The following STK32B variants were observed in gnomAD, a reference collection of about 807,000 sequenced individuals.
STK32B encodes serine/threonine kinase 32B.
Under a neutral mutation model 52.6 loss-of-function variants are expected in STK32B, and 43 were observed. The observed-to-expected ratio is 0.82, with a 90% CI of 0.64 to 1.05. The LOEUF is 1.05. Ranked by LOEUF, STK32B falls within the 50% of genes least tolerant of loss-of-function variation. The pLI is 0.00. For synonymous variants in STK32B, 238 were observed against 204.3 expected, an observed-to-expected ratio of 1.17 and a Z score of -1.41; for missense variants, 621 against 534.6, an observed-to-expected ratio of 1.16 and a Z score of -1.59.
At chr4:5,123,114 T>G (rs1245212143) in intron 1 of STK32B, among the ~76,000 whole-genome samples, 4 of 152,126 alleles carry the variant, frequency 2.6e-5, no homozygotes, top group Non-Finnish European at 5.9e-5. Flanking sequence ...ACAGAGTGGT[T>G]CTTCTTTCTC....
intron 2 of STK32B, among the ~76,000 whole-genome samples, chr4:5,145,024 A>T (rs188102740): frequency 6.6e-6 from 1 of 152,306 alleles, no homozygotes; most frequent in East Asian, 1.9e-4. Flanking sequence ...GTGTACAGGG[A>T]TGGAGTGGAG....
At chr4:5,407,869 G>A (rs190779743) in intron 5 of STK32B, among the ~76,000 whole-genome samples, 4 of 152,230 alleles carry the variant, frequency 2.6e-5, no homozygotes, top group East Asian at 1.9e-4. Flanking sequence ...GACGTAAACC[G>A]TATCAGAGGC....
chr4:5,336,048 G>C (rs1304864064), intron 4 of STK32B, among the ~76,000 whole-genome samples: 1 of 150,364 alleles, frequency 6.7e-6, no homozygotes, highest in Non-Finnish European at 1.5e-5. Flanking sequence ...GCTAATGAGG[G>C]TAAAATGGAG....
chr4:5,056,440 T>G (rs1020816927), intron 1 of STK32B, among the ~76,000 whole-genome samples: 4 of 152,254 alleles, frequency 2.6e-5, no homozygotes, highest in African/African-American at 9.6e-5. Flanking sequence ...AGATGCCTGG[T>G]AATTTTTTGG....
At chr4:5,294,464 A>G (rs1451642671) in intron 3 of STK32B, among the ~76,000 whole-genome samples, 2 of 152,076 alleles carry the variant, frequency 1.3e-5, no homozygotes, top group African/African-American at 2.4e-5. Context: ...AGTGGTTTAT[A>G]GTTCTCCTTG....
intron 1 of STK32B, among the ~76,000 whole-genome samples, chr4:5,052,176 C>G (rs570305408): frequency 4.5e-4 from 68 of 152,296 alleles, no homozygotes; most frequent in African/African-American, 1.5e-3. Flanking sequence ...GAGTTGAACC[C>G]GAAACCTGCA....
intron 1 of STK32B, 158 bp from the exon 2 acceptor site, chr4:5,139,747 T>A (rs1391425215): frequency 1.3e-5 from 9 of 693,100 alleles, no homozygotes; most frequent in Non-Finnish European, 2.2e-5. Flanking sequence ...TGCTGCAAAT[T>A]CCCCTGTGGA....
At chr4:5,284,591 T>C (rs576824227) in intron 3 of STK32B, among the ~76,000 whole-genome samples, 72 of 152,312 alleles carry the variant, frequency 4.7e-4, no homozygotes, top group African/African-American at 1.4e-3. Context: ...TCAAAGTTGA[T>C]AGACATGTAA....
At chr4:5,052,000 A>C (rs970810589) in intron 1 of STK32B, 85 bp downstream of exon 1, 1 of 1,534,202 alleles carries the variant, frequency 6.5e-7, no homozygotes, top group Non-Finnish European at 8.8e-7. Context: ...GGGGCACCGC[A>C]TGCTGCCCGG....
intron 3 of STK32B, among the ~76,000 whole-genome samples, chr4:5,174,101 T>C (rs997942654): frequency 6.6e-6 from 1 of 152,144 alleles, no homozygotes; most frequent in Admixed American, 6.5e-5. Context: ...AAAGTCTGTT[T>C]TATCTGAGAC....
chr4:5,171,083 T>C (rs954773720), intron 3 of STK32B, among the ~76,000 whole-genome samples: 4 of 152,184 alleles, frequency 2.6e-5, no homozygotes, highest in African/African-American at 9.7e-5. Flanking sequence ...TTTCATGTGT[T>C]TTTTGGCTGC....
chr4:5,376,507 A>G (rs543050356), intron 4 of STK32B, among the ~76,000 whole-genome samples: 2 of 152,002 alleles, frequency 1.3e-5, no homozygotes, highest in African/African-American at 4.8e-5. Context: ...CGCTCAGAGC[A>G]CTGGCAAGAC....
chr4:5,365,791 T>A (rs989106747), intron 4 of STK32B, among the ~76,000 whole-genome samples: 2 of 152,134 alleles, frequency 1.3e-5, no homozygotes, highest in African/African-American at 4.8e-5. Context: ...GACTGATGAG[T>A]GAGTCACTGG....
chr4:5,317,216 T>TATATTATATATATAAC lies in STK32B; in HGVS notation c.261-14000_261-13999insTATATATATAACATAT, dbSNP rs1560313290. Among the ~76,000 whole-genome samples the TATATTATATATATAAC allele has an allele frequency of 7.4e-4, 41 of 55,638 alleles. 1 individual carries two copies. The highest frequency in any genetic ancestry group is 8.3e-4 in the Non-Finnish European group (33 of 39,634). The allele number at this position is 55,638 out of a possible 152,430, so 36.5% of individuals were successfully genotyped here. A position where few individuals can be genotyped will look rare whatever the true frequency, so the allele number is the denominator to read the frequency against. ...ACATATATATATTATATATATAACA[T>TATATTATATATATAAC]ATATATATTATATATAACATATATA... On this transcript the variant is annotated intron_variant, in intron 3 of 11. Transcript: ENST00000282908.
intron 3 of STK32B, among the ~76,000 whole-genome samples, chr4:5,262,675 A>G (rs1007948691): frequency 5.9e-5 from 9 of 152,118 alleles, no homozygotes; most frequent in African/African-American, 1.7e-4. Context: ...GACAGCCACA[A>G]TATATGGTTA....
At chr4:5,169,654 G>A (rs1041391565) in intron 3 of STK32B, among the ~76,000 whole-genome samples, 1 of 152,064 alleles carries the variant, frequency 6.6e-6, no homozygotes, top group Non-Finnish European at 1.5e-5. Context: ...AGTATCCACC[G>A]AGAGTTCTTC....
chr4:5,257,195 G>A (rs570664188), intron 3 of STK32B, among the ~76,000 whole-genome samples: 2 of 152,138 alleles, frequency 1.3e-5, no homozygotes, highest in Admixed American at 1.3e-4. Context: ...AGGTGAGTGA[G>A]TGAATGAGTG....
chr4:5,473,253 G>A (rs1469539590), intron 11 of STK32B, among the ~76,000 whole-genome samples: 1 of 152,138 alleles, frequency 6.6e-6, no homozygotes. Flanking sequence ...TGGGAGCAAG[G>A]CCCCTGCTCT....
intron 11 of STK32B, among the ~76,000 whole-genome samples, chr4:5,494,732 T>C (rs1320972136): frequency 6.6e-6 from 1 of 151,690 alleles, no homozygotes; most frequent in Middle Eastern, 3.2e-3. Context: ...CCTTTCCATG[T>C]TTAGTGCTTG....
Sources: gnomAD v4.1 joint callset for allele counts (sites outside exome capture counted in the v4.1 genomes callset) on GRCh38, gnomAD v4.1.1 for gene constraint, MANE v1.5 for transcripts, NCBI Gene and HGNC (gene_info 2026-07-23, HGNC 2026-07-21) for gene names.